The following ARFGEF2 variants were observed in gnomAD, a reference collection of about 807,000 sequenced individuals.
The protein encoded by ARFGEF2 is ARF guanine nucleotide exchange factor 2, also known as brefeldin A-inhibited guanine nucleotide-exchange protein 2.
ARFGEF2 carries 74 observed loss-of-function variants against 219.9 expected under a neutral mutation model. That is an observed-to-expected ratio of 0.34 (90% CI 0.28 to 0.41). ARFGEF2 has a LOEUF of 0.41. Ranked by LOEUF, ARFGEF2 falls within the 10% of genes least tolerant of loss-of-function variation. The pLI is 1.00. For missense variants in ARFGEF2, 1,743 were observed against 2,218.3 expected (o/e 0.79, Z 4.30); for synonymous variants, 733 against 799.2 (o/e 0.92, Z 1.40).
chr20:48,952,384 G>T (rs2091076690), intron 4 of ARFGEF2, among the ~76,000 whole-genome samples: 1 of 152,020 alleles, frequency 6.6e-6, no homozygotes, highest in African/African-American at 2.4e-5. Context: ...TTGAACTCGT[G>T]ACCTCAAGTG....
At position 48,946,495 on chromosome 20, in the gene ARFGEF2, ATT is replaced by A. The variant is rs1491205340; in HGVS notation, c.276+4512_276+4513del. On this transcript the variant is annotated intron_variant, in intron 3 of 38. Coordinates refer to ENST00000371917, the MANE Select transcript of ARFGEF2 (RefSeq NM_006420.3). ...ATCAATTTTATATATATATATATAT[ATT>A]TTTATTTTTTATTTTTTTAGAGAAA... 8.6e-4 allele frequency among the ~76,000 whole-genome samples: 116 copies of A among 134,358 alleles called. 1 individual carries two copies. Among genetic ancestry groups the A allele is most frequent in the South Asian group, 1.6e-3 (7 of 4,416 alleles). The allele number at this position is 134,358 out of a possible 152,430, so 88.1% of individuals were successfully genotyped here.
intron 1 of ARFGEF2, among the ~76,000 whole-genome samples, chr20:48,932,847 C>G (rs1258968143): frequency 7.9e-5 from 12 of 152,088 alleles, no homozygotes; most frequent in Non-Finnish European, 1.5e-5. Context: ...TGGTAGGTGA[C>G]TGGGAGCTAA....
At chr20:48,943,140 T>A (rs2091004597) in intron 3 of ARFGEF2, among the ~76,000 whole-genome samples, 1 of 152,118 alleles carries the variant, frequency 6.6e-6, no homozygotes, top group Admixed American at 6.5e-5. Context: ...ACTACACCAC[T>A]AAAAAGATAC....
At chr20:48,931,037 A>T (rs928243536) in intron 1 of ARFGEF2, among the ~76,000 whole-genome samples, 1 of 152,164 alleles carries the variant, frequency 6.6e-6, no homozygotes, top group African/African-American at 2.4e-5. Flanking sequence ...AAAGACTGGA[A>T]AAATGCCCAT....
At chr20:48,923,431 C>T (rs990400161) in intron 1 of ARFGEF2, among the ~76,000 whole-genome samples, 1 of 152,122 alleles carries the variant, frequency 6.6e-6, no homozygotes, top group Non-Finnish European at 1.5e-5. Context: ...TTTCAGAGGG[C>T]CCTGAGACTC....
At chr20:48,972,586 G>A (rs1228254111) in intron 11 of ARFGEF2, among the ~76,000 whole-genome samples, 161 bp downstream of exon 11, 1 of 152,130 alleles carries the variant, frequency 6.6e-6, no homozygotes, top group East Asian at 1.9e-4. Flanking sequence ...TTTAGAGGAT[G>A]ACCAACTTAG....
intron 16 of ARFGEF2, among the ~76,000 whole-genome samples, chr20:48,987,787 ATTAT>A (rs1419010616): frequency 6.6e-6 from 1 of 152,046 alleles, no homozygotes; most frequent in African/African-American, 2.4e-5. Flanking sequence ...CTCAATTTTT[ATTAT>A]TTATTTATTT....
At chr20:49,013,286 T>C (rs1568737747) in intron 28 of ARFGEF2, among the ~76,000 whole-genome samples, 1 of 152,176 alleles carries the variant, frequency 6.6e-6, no homozygotes, top group Non-Finnish European at 1.5e-5. Context: ...CTTTAAGCTC[T>C]TCTTAGTATA....
chr20:48,922,426 C>T (rs184100782), intron 1 of ARFGEF2, among the ~76,000 whole-genome samples: 1 of 152,338 alleles, frequency 6.6e-6, no homozygotes, highest in African/African-American at 2.4e-5. Context: ...TTAGGGAAAC[C>T]CCTGATTCTT....
At chr20:48,962,271 T>C (rs1192711299) in intron 6 of ARFGEF2, among the ~76,000 whole-genome samples, 1 of 152,246 alleles carries the variant, frequency 6.6e-6, no homozygotes, top group East Asian at 1.9e-4. Context: ...GCATGTGCTA[T>C]TCTTTTATAT....
intron 18 of ARFGEF2, 91 bp downstream of exon 18, chr20:48,988,753 G>A: frequency 1.7e-6 from 2 of 1,172,540 alleles, no homozygotes; most frequent in South Asian, 1.3e-5. Flanking sequence ...AATTTAATGT[G>A]CATAGCTGGA....
intron 14 of ARFGEF2, among the ~76,000 whole-genome samples, chr20:48,982,010 A>C (rs1053826249): frequency 6.6e-6 from 1 of 152,096 alleles, no homozygotes; most frequent in Admixed American, 6.6e-5. Context: ...ATTTCCATCC[A>C]TCTTTGTTCT....
intron 26 of ARFGEF2, among the ~76,000 whole-genome samples, chr20:49,005,633 G>A (rs561033539): frequency 4.8e-4 from 73 of 151,062 alleles, no homozygotes; most frequent in Middle Eastern, 3.4e-3. Context: ...AGCTACTTGG[G>A]AGGCTGAGGC....
intron 21 of ARFGEF2, among the ~76,000 whole-genome samples, chr20:48,991,982 T>C (rs2091360106): frequency 6.6e-6 from 1 of 152,184 alleles, no homozygotes; most frequent in African/African-American, 2.4e-5. Context: ...AGAAGCATGT[T>C]AGATATGAGG....
At position 49,011,259 on chromosome 20, in the gene ARFGEF2, G is replaced by T. The variant is rs538763352; in HGVS notation, c.3758-665G>T. Among the ~76,000 whole-genome samples the T allele has an allele frequency of 2.0e-5, 3 of 152,262 alleles. No homozygotes were observed. The South Asian group carries it at 6.2e-4, about 32-fold the overall frequency. ...TATGTCTTGATCAGCTGATGAAAAT[G>T]TTCTGACCAGAGACTTGCAGGAATC... is the stretch of plus-strand genomic sequence containing the variant. On this transcript the variant is annotated intron_variant, in intron 27 of 38. Transcript: ENST00000371917.
At chr20:49,001,054 CTTTTTTTTT>C (rs66754799) in intron 25 of ARFGEF2, among the ~76,000 whole-genome samples, 4 of 60,606 alleles carry the variant, frequency 6.6e-5, no homozygotes, top group African/African-American at 2.2e-4. Flanking sequence ...CTCAGGAACT[CTTTTTTTTT>C]TTTTTTTTTT....
rs1376730260 is a variant in ARFGEF2, at chr20:49,005,283, C to G, written c.3584+62C>G. The G allele has an allele frequency of 3.1e-6, 5 of 1,594,002 alleles. No individual in the cohort carries two copies. In the African/African-American group the frequency reaches 4.0e-5, roughly 13 times the overall value. ...CCCCGTTGGGGCTCCCAGAAGCCCTCCTAACACTAACCACATGATTAATTT... is the reference window on the plus strand; with the variant it reads ...CCCCGTTGGGGCTCCCAGAAGCCCTGCTAACACTAACCACATGATTAATTT... On this transcript the variant is annotated intron_variant, in intron 26 of 38. Coordinates refer to ENST00000371917, the MANE Select transcript of ARFGEF2 (RefSeq NM_006420.3).
chr20:48,972,322 A>G lies in ARFGEF2; in HGVS notation c.1426-4A>G, dbSNP rs1298949455. ...GTGTCCTCCTTTGTCTTTATGTCAT[A>G]TAGGTCTTTTTCAAAGAGATTTTCC... On this transcript the variant is annotated splice_polypyrimidine_tract_variant and splice_region_variant and intron_variant, in intron 10 of 38. Transcript: ENST00000371917. The G allele has an allele frequency of 1.2e-6, 2 of 1,602,964 alleles. No homozygotes were observed. Among genetic ancestry groups the G allele is most frequent in the African/African-American group, 1.3e-5 (1 of 74,820 alleles).
chr20:49,014,833 T>C (rs182731284), intron 30 of ARFGEF2, among the ~76,000 whole-genome samples: 40 of 152,266 alleles, frequency 2.6e-4, no homozygotes, highest in African/African-American at 9.6e-4. Context: ...TTTAAATATG[T>C]TTTTCCTCAT....
Sources: gnomAD v4.1 joint callset for allele counts (sites outside exome capture counted in the v4.1 genomes callset) on GRCh38, gnomAD v4.1.1 for gene constraint, MANE v1.5 for transcripts, NCBI Gene and HGNC (gene_info 2026-07-23, HGNC 2026-07-21) for gene names.